CTNNA2: variants seen among roughly 807,000 people sequenced by gnomAD.
CTNNA2 encodes the protein catenin alpha-2.
Under a neutral mutation model 101.0 loss-of-function variants are expected in CTNNA2, and 42 were observed. The ratio of observed to expected loss-of-function variants is 0.42; its 90% CI spans 0.32 to 0.54. The LOEUF (loss-of-function observed/expected upper bound fraction) is 0.54, where lower values mean the gene tolerates loss of function less well. Among genes scored for constraint, CTNNA2 ranks in the 20% least tolerant of loss-of-function variants. CTNNA2 has a pLI of 0.14. For synonymous variants in CTNNA2, 450 were observed against 456.4 expected (o/e 0.99, Z 0.18); for missense variants, 871 against 1,223.1 (o/e 0.71, Z 4.29).
chr2:79,392,607 T>C (rs1443928607), intron 4 of CTNNA2, among the ~76,000 whole-genome samples: 1 of 152,206 alleles, frequency 6.6e-6, no homozygotes, highest in Non-Finnish European at 1.5e-5. Flanking sequence ...AAACTGTTTT[T>C]ATCTTTATTT....
intron 9 of CTNNA2, among the ~76,000 whole-genome samples, chr2:80,496,549 G>T (rs1232815505): frequency 6.6e-6 from 1 of 151,816 alleles, no homozygotes; most frequent in Non-Finnish European, 1.5e-5. Context: ...GTATGACTTA[G>T]GACAGTTTTT....
intron 7 of CTNNA2, among the ~76,000 whole-genome samples, chr2:80,083,960 A>G (rs188744849): frequency 6.6e-6 from 1 of 152,174 alleles, no homozygotes; most frequent in African/African-American, 2.4e-5. Flanking sequence ...CAGAGAGGTA[A>G]TGTATCTTGA....
intron 4 of CTNNA2, among the ~76,000 whole-genome samples, chr2:79,409,919 C>T (rs1678388792): frequency 6.6e-6 from 1 of 152,052 alleles, no homozygotes; most frequent in Admixed American, 6.6e-5. Flanking sequence ...AATATTGATT[C>T]TTCCTACCCA....
At chr2:79,549,178 A>T (rs756021508) in intron 1 of CTNNA2, among the ~76,000 whole-genome samples, 5 of 152,190 alleles carry the variant, frequency 3.3e-5, no homozygotes, top group African/African-American at 1.2e-4. Context: ...TATATCATTT[A>T]AAAAAGATAT....
At chr2:79,539,538 T>C (rs1673281589) in intron 1 of CTNNA2, among the ~76,000 whole-genome samples, 1 of 152,246 alleles carries the variant, frequency 6.6e-6, no homozygotes. Context: ...ACAATGTTAC[T>C]TGTAAATCAC....
In CTNNA2 at chr2:79,826,731, G is replaced by T. The variant is rs76079090; in HGVS notation, c.299-31282G>T. On this transcript the variant is annotated intron_variant, in intron 3 of 18. Transcript: ENST00000402739. ...CTTCAACTTCCTTCATTTCAACAAGGGCTCTGTGTGTAGGCTTCTTTCTGA... is the reference window on the plus strand; with the variant it reads ...CTTCAACTTCCTTCATTTCAACAAGTGCTCTGTGTGTAGGCTTCTTTCTGA... Among the ~76,000 whole-genome samples, 686 of 152,260 alleles carry T rather than the reference G, an allele frequency of 4.5e-3. 4 individuals carry two copies. The highest frequency in any genetic ancestry group is 0.014 in the African/African-American group (601 of 41,540).
At chr2:79,339,037 C>A (rs1252071096) in intron 3 of CTNNA2, among the ~76,000 whole-genome samples, 2 of 152,024 alleles carry the variant, frequency 1.3e-5, no homozygotes, top group Admixed American at 1.3e-4. Flanking sequence ...GTTTGTATAA[C>A]CCAGAGGGCT....
At chr2:79,313,846 G>A (rs189382502) in intron 3 of CTNNA2, among the ~76,000 whole-genome samples, 69 of 152,192 alleles carry the variant, frequency 4.5e-4, no homozygotes, top group Middle Eastern at 3.4e-3. Flanking sequence ...GAGGGGAGAA[G>A]TGCACAAAGA....
At chr2:79,579,795 G>A (rs1413548414) in intron 1 of CTNNA2, among the ~76,000 whole-genome samples, 1 of 151,966 alleles carries the variant, frequency 6.6e-6, no homozygotes, top group Admixed American at 6.6e-5. Flanking sequence ...TGTATTTTTA[G>A]TAGAGACGGG....
intron 1 of CTNNA2, among the ~76,000 whole-genome samples, chr2:79,607,179 TAAA>T (rs1677949133): frequency 6.6e-6 from 1 of 152,204 alleles, no homozygotes; most frequent in African/African-American, 2.4e-5. Context: ...TTACTAGGGA[TAAA>T]GAAGTTCATT....
At chr2:79,589,300 A>G (rs1195458232) in intron 1 of CTNNA2, among the ~76,000 whole-genome samples, 1 of 152,200 alleles carries the variant, frequency 6.6e-6, no homozygotes, top group East Asian at 1.9e-4. Context: ...TCTGTATAAT[A>G]AAATAGATGT....
In CTNNA2 at chr2:79,687,480, G is replaced by A. The variant is rs911181720; in HGVS notation, c.102+35822G>A. 4 of 533,018 alleles carry A rather than the reference G, an allele frequency of 7.5e-6. No individual in the cohort carries two copies. The African/African-American group carries it at 8.2e-5, about 11-fold the overall frequency. The allele number at this position is 533,018 out of a possible 1,614,324, so 33.0% of individuals were successfully genotyped here. A position where few individuals can be genotyped will look rare whatever the true frequency, so the allele number is the denominator to read the frequency against. On this transcript the variant is annotated intron_variant, in intron 2 of 18. Transcript: ENST00000402739. ...TTGTACCTTCAGATAATTTTGATTA[G>A]CTTTCATTTTTATTTGCATTACCCA...
intron 1 of CTNNA2, among the ~76,000 whole-genome samples, chr2:79,590,454 G>T (rs1227585454): frequency 6.6e-6 from 1 of 152,080 alleles, no homozygotes. Context: ...TAAGTAATGG[G>T]GAGATGATTA....
intron 9 of CTNNA2, among the ~76,000 whole-genome samples, chr2:80,508,004 G>T (rs1450590075): frequency 2.0e-5 from 3 of 152,192 alleles, no homozygotes; most frequent in Non-Finnish European, 4.4e-5. Context: ...CCTGGGATCA[G>T]TCCTAGCAAT....
chr2:80,531,253 C>A (rs1043902516), intron 9 of CTNNA2, among the ~76,000 whole-genome samples: 5 of 152,176 alleles, frequency 3.3e-5, no homozygotes, highest in African/African-American at 1.2e-4. Flanking sequence ...CTCCTTCGGG[C>A]AGTAACCATT....
chr2:79,279,263 C>A (rs945782938), intron 2 of CTNNA2, among the ~76,000 whole-genome samples: 12 of 151,948 alleles, frequency 7.9e-5, no homozygotes, highest in African/African-American at 2.9e-4. Context: ...GTTGTGTGCC[C>A]TCGCATAGAA....
intron 7 of CTNNA2, among the ~76,000 whole-genome samples, chr2:79,980,852 TAA>T (rs528389131): frequency 1.2e-4 from 18 of 152,290 alleles, no homozygotes; most frequent in African/African-American, 4.3e-4. Flanking sequence ...CTGAAATATT[TAA>T]GTTGCAATAT....
At chr2:79,298,702 C>T (rs1676039057) in intron 2 of CTNNA2, among the ~76,000 whole-genome samples, 1 of 152,168 alleles carries the variant, frequency 6.6e-6, no homozygotes, top group African/African-American at 2.4e-5. Context: ...CTGATGTCCC[C>T]AAATCTTATC....
intron 2 of CTNNA2, among the ~76,000 whole-genome samples, chr2:79,264,966 C>T (rs140065744): frequency 1.3e-5 from 2 of 152,216 alleles, no homozygotes; most frequent in African/African-American, 4.8e-5. Context: ...CTTCCCTGGC[C>T]CATCTGCTCT....
Sources: gnomAD v4.1 joint callset for allele counts (sites outside exome capture counted in the v4.1 genomes callset) on GRCh38, gnomAD v4.1.1 for gene constraint, MANE v1.5 for transcripts, NCBI Gene and HGNC (gene_info 2026-07-23, HGNC 2026-07-21) for gene names.